The following FASTKD1 variants were observed in gnomAD, a reference collection of about 807,000 sequenced individuals.
FASTKD1 encodes FAST kinase domain-containing protein 1, mitochondrial.
FASTKD1 carries 94 observed loss-of-function variants against 90.9 expected under a neutral mutation model. The observed-to-expected ratio is 1.03, with a 90% confidence interval of 0.88 to 1.23. The LOEUF is 1.23. Among genes scored for constraint, FASTKD1 ranks in the 50% most tolerant of loss-of-function variants. The probability of loss-of-function intolerance (pLI) is 0.00; values close to 1 mark genes in which losing one functional copy is unlikely to be tolerated. For missense variants in FASTKD1, 945 were observed against 993.5 expected (o/e 0.95, Z 0.66); for synonymous variants, 319 against 345.8 (o/e 0.92, Z 0.86).
intron 6 of FASTKD1, among the ~76,000 whole-genome samples, chr2:169,555,478 C>T (rs1683257987): frequency 6.6e-6 from 1 of 152,200 alleles, no homozygotes; most frequent in African/African-American, 2.4e-5. Context: ...ATAACATTCA[C>T]TTATCAATAG....
At chr2:169,572,412 GA>G (rs1171175569) in intron 1 of FASTKD1, among the ~76,000 whole-genome samples, 4 of 145,210 alleles carry the variant, frequency 2.8e-5, no homozygotes, top group African/African-American at 7.6e-5. Flanking sequence ...ACCATAAAAG[GA>G]AAAAAAAAGC....
intron 7 of FASTKD1, among the ~76,000 whole-genome samples, chr2:169,547,565 T>C (rs1464033525): frequency 6.6e-6 from 1 of 152,060 alleles, no homozygotes; most frequent in Non-Finnish European, 1.5e-5. Context: ...CCAATATATA[T>C]AACATCACAG....
chr2:169,540,036 A>AAGAT lies in FASTKD1; in HGVS notation c.1945+11_1945+14dup, dbSNP rs770714494. On this transcript the variant is annotated intron_variant, in intron 10 of 14. Coordinates refer to ENST00000453153, the MANE Select transcript of FASTKD1 (RefSeq NM_024622.6). ...TACAACAGATAATTAAATAAATTAA[A>AAGAT]AGATAGATACATACTTTCAAGTTGA... The AAGAT allele has an allele frequency of 1.4e-6, 2 of 1,475,268 alleles. No homozygotes were observed. The highest frequency in any genetic ancestry group is 2.5e-5 in the South Asian group (2 of 81,340). 91.4% of individuals were successfully genotyped at this position (1,475,268 alleles called of 1,614,324 possible).
rs755300525 is a variant in FASTKD1 at position 169,529,857 on chromosome 2, A to C, written c.2512T>G (p.Cys838Gly). 1.2e-6 allele frequency: 2 copies of C among 1,612,968 alleles called. No individual in the cohort carries two copies. The highest frequency in any genetic ancestry group is 2.7e-5 in the African/African-American group (2 of 74,894). Residue 838 changes from cysteine (C) to glycine (G), a missense_variant, in exon 15 of 15, where the codon TGT (cysteine) becomes GGT (glycine). By Grantham distance (159) the Cys-to-Gly change is radical. Coordinates refer to ENST00000453153, the MANE Select transcript of FASTKD1 (RefSeq NM_024622.6). ...KDARMDYLRE[C>G]IFGEVKSCL ...CATGACTTGACTTCTCCAAATATAC[A>C]TTCTCTCAGGTAGTCCATCCGAGCA...
chr2:169,543,169 A>T (rs1685031646), intron 9 of FASTKD1, among the ~76,000 whole-genome samples: 1 of 152,034 alleles, frequency 6.6e-6, no homozygotes. Flanking sequence ...CTGGTTGTTT[A>T]AAAAAAAGTT....
chr2:169,529,740 T>G lies in FASTKD1; in HGVS notation c.*85A>C. 1 of 866,982 alleles carries G rather than the reference T, an allele frequency of 1.2e-6. No individual in the cohort carries two copies. The highest frequency in any genetic ancestry group is 1.8e-6 in the Non-Finnish European group (1 of 550,364). 53.7% of individuals were successfully genotyped at this position (866,982 alleles called of 1,614,324 possible). On this transcript the variant is annotated 3_prime_UTR_variant, in exon 15 of 15. Coordinates refer to ENST00000453153, the MANE Select transcript of FASTKD1 (RefSeq NM_024622.6). ...CAGGCATGTTCCCACCTTAGGACAT[T>G]TGTACCTATTTTTTAATTGAGACAG...
intron 9 of FASTKD1, among the ~76,000 whole-genome samples, chr2:169,541,898 G>GA (rs1019724989): frequency 2.0e-5 from 3 of 152,014 alleles, no homozygotes; most frequent in Admixed American, 6.6e-5. Context: ...ACTGTTCCTG[G>GA]AAAAAAACCA....
rs745868660 is a variant in FASTKD1 at position 169,560,759 on chromosome 2, A to G, written c.599T>C (p.Ile200Thr). Residue 200 changes from isoleucine to threonine, a missense_variant, in exon 5 of 15, where the codon ATA becomes ACA. Transcript: ENST00000453153. Reference sequence around the variant, plus strand: ...AAAATGTCGTGATATTAAAGAAGATATGTTGACCATCAAGACAGACAAGGA... The same window carrying G: ...AAAATGTCGTGATATTAAAGAAGATGTGTTGACCATCAAGACAGACAAGGA... ...LSSLSVLMVN[I>T]SSLISRHFQQ... The G allele has an allele frequency of 5.7e-5, 90 of 1,574,558 alleles. No individual in the cohort carries two copies. The highest frequency in any genetic ancestry group is 7.5e-5 in the Non-Finnish European group (87 of 1,162,976).
chr2:169,558,722 A>G (rs1025681305), intron 5 of FASTKD1, among the ~76,000 whole-genome samples: 3 of 152,082 alleles, frequency 2.0e-5, no homozygotes, highest in Admixed American at 6.6e-5. Context: ...AGGTGCTGGG[A>G]TAACAGGCAT....
At chr2:169,533,272 C>G (rs970446812) in intron 12 of FASTKD1, among the ~76,000 whole-genome samples, 5 of 152,032 alleles carry the variant, frequency 3.3e-5, no homozygotes, top group African/African-American at 9.7e-5. Flanking sequence ...TCATTCTTAT[C>G]TTTTAAATAT....
Position 169,529,687 on chromosome 2 carries a change from C to A in FASTKD1, c.*138G>T, listed in dbSNP as rs1159222713. ...CCCCACTTGTTCTGCTCCAGCCACA[C>A]TGGATCCTTTGTTATTCTCAAACAT... is the stretch of plus-strand genomic sequence containing the variant. On this transcript the variant is annotated 3_prime_UTR_variant, in exon 15 of 15. Transcript: ENST00000453153. 4 of 625,428 alleles carry A rather than the reference C, an allele frequency of 6.4e-6. No homozygotes were observed. The highest frequency in any genetic ancestry group is 5.7e-5 in the East Asian group (2 of 35,368). 38.7% of individuals were successfully genotyped at this position (625,428 alleles called of 1,614,324 possible). A position where few individuals can be genotyped will look rare whatever the true frequency, so the allele number is the denominator to read the frequency against.
chr2:169,538,023 T>C lies in FASTKD1; in HGVS notation c.2064A>G (p.Gln688=). 2 of 1,601,984 alleles carry C rather than the reference T, an allele frequency of 1.2e-6. No homozygotes were observed. The highest frequency in any genetic ancestry group is 1.7e-6 in the Non-Finnish European group (2 of 1,177,058). Residue 688 remains glutamine (Q), a synonymous_variant, in exon 11 of 15, where the codon CAA becomes CAG. Coordinates refer to ENST00000453153, the MANE Select transcript of FASTKD1 (RefSeq NM_024622.6). ...IPWFHDRFCQ[Q]YNKGIGGMDG... ...AAAGAAAACTCAAACCTTTATTATATTGTTGACAGAAGCGGTCATGAAACC... is the reference window on the plus strand; with the variant it reads ...AAAGAAAACTCAAACCTTTATTATACTGTTGACAGAAGCGGTCATGAAACC...
chr2:169,531,979 T>C (rs1051363142), intron 12 of FASTKD1, among the ~76,000 whole-genome samples: 3 of 152,246 alleles, frequency 2.0e-5, no homozygotes, highest in Non-Finnish European at 4.4e-5. Flanking sequence ...AGAATATCGC[T>C]ACTTTACCAC....
chr2:169,552,351 A>G (rs1373055757), intron 7 of FASTKD1, among the ~76,000 whole-genome samples: 3 of 152,106 alleles, frequency 2.0e-5, no homozygotes, highest in African/African-American at 4.8e-5. Flanking sequence ...TCCTGCTCTT[A>G]TTTTTCTGTT....
chr2:169,557,348 G>T, intron 5 of FASTKD1, 51 bp from the exon 6 acceptor site: 2 of 1,038,442 alleles, frequency 1.9e-6, no homozygotes, highest in Non-Finnish European at 1.4e-6. Flanking sequence ...AAATTAGCTT[G>T]CAATTTTTTT....
In FASTKD1 at chr2:169,557,224, C is replaced by T; in HGVS notation, c.1045G>A (p.Gly349Arg). The change falls in exon 6 of 15, where the codon GGA (glycine) becomes AGA (arginine). Residue 349 changes from glycine to arginine, a missense_variant. Physicochemically the swap from Gly to Arg is moderately radical, Grantham distance 125. Transcript: ENST00000453153. ...CATGAGTTTCTGCTTTCCATATCTC[C>T]CATTGCTCCCAACACTGCCAGGGCT... ...EQALAVLGAM[G>R]DMESRNSCLI... 2 of 1,612,570 alleles carry T rather than the reference C, an allele frequency of 1.2e-6. No homozygotes were observed. Among genetic ancestry groups the T allele is most frequent in the Non-Finnish European group, 1.7e-6 (2 of 1,179,044 alleles).
rs1434992524 is a variant in FASTKD1 at position 169,528,963 on chromosome 2, C to G, written c.*862G>C. Among the ~76,000 whole-genome samples the G allele has an allele frequency of 6.6e-6, 1 of 151,960 alleles. No homozygotes were observed. The highest frequency in any genetic ancestry group is 1.9e-4 in the East Asian group (1 of 5,188). Reference sequence around the variant, plus strand: ...TGTTGGGGCACTTGAAAACTCAGTCCTCAGACCTCTCCTCCATTCACACTC... The same window carrying G: ...TGTTGGGGCACTTGAAAACTCAGTCGTCAGACCTCTCCTCCATTCACACTC... On this transcript the variant is annotated 3_prime_UTR_variant, in exon 15 of 15. Transcript: ENST00000453153.
At chr2:169,547,884 CAAAAAAAAAA>C (rs1158292826) in intron 7 of FASTKD1, among the ~76,000 whole-genome samples, 267 of 21,272 alleles carry the variant, frequency 0.013, no homozygotes, top group African/African-American at 0.023. Context: ...GACTCCATCT[CAAAAAAAAAA>C]AAAAAAAAAA....
intron 3 of FASTKD1, among the ~76,000 whole-genome samples, chr2:169,564,759 T>C (rs1211428681): frequency 6.6e-6 from 1 of 152,066 alleles, no homozygotes; most frequent in African/African-American, 2.4e-5. Context: ...CGTTCTGCTC[T>C]CTACGTCCAT....
Sources: gnomAD v4.1 joint callset for allele counts (sites outside exome capture counted in the v4.1 genomes callset) on GRCh38, gnomAD v4.1.1 for gene constraint, MANE v1.5 for transcripts, NCBI Gene and HGNC (gene_info 2026-07-23, HGNC 2026-07-21) for gene names.